Variants in GUSB observed in about 807,000 individuals in gnomAD.
The protein encoded by GUSB is glucuronidase beta.
A neutral mutation model predicts 74.6 loss-of-function variants in GUSB; 51 were observed. That is an observed-to-expected ratio of 0.68 (90% CI 0.55 to 0.86). The LOEUF (loss-of-function observed/expected upper bound fraction) is 0.86. GUSB is among the 40% of genes least tolerant of loss of function. The pLI, the probability that GUSB is intolerant of heterozygous loss-of-function variation, is 0.00. For missense variants in GUSB, 736 were observed against 853.7 expected (o/e 0.86, Z 1.72); for synonymous variants, 360 against 348.3 (o/e 1.03, Z -0.37).
At chr7:65,964,886 T>C (rs148813284) in intron 10 of GUSB, among the ~76,000 whole-genome samples, 13,591 of 151,390 alleles carry the variant, frequency 0.09, 772 homozygotes, top group Non-Finnish European at 0.12. Context: ...CTGGGCAACA[T>C]AGCAAGACCC....
In GUSB at chr7:65,960,972, C is replaced by T; in HGVS notation, c.1881G>A (p.Trp627Ter). The T allele has an allele frequency of 6.2e-7, 1 of 1,613,796 alleles. No homozygotes were observed. Among genetic ancestry groups the T allele is most frequent in the Non-Finnish European group, 8.5e-7 (1 of 1,179,862 alleles). The change falls in exon 12 of 12, where the codon TGG (tryptophan) becomes TGA (stop). Residue 627 changes from tryptophan (W) to a stop codon, truncating the protein, a stop_gained. Coordinates refer to ENST00000304895, the MANE Select transcript of GUSB (RefSeq NM_000181.4). LOFTEE classifies it low-confidence loss of function (END_TRUNC). The part of the protein sequence containing the change: ...SAAFLLRERY[W>*]KIANETRYPH... ...GATACCTGGTTTCATTGGCAATCTT[C>T]CAGTATCTCTCTCGCAAAAGGAACG...
intron 4 of GUSB, among the ~76,000 whole-genome samples, chr7:65,979,179 G>A (rs1026016102): frequency 6.6e-5 from 10 of 152,286 alleles, no homozygotes; most frequent in Middle Eastern, 3.4e-3. Flanking sequence ...GCTGTGTGAC[G>A]TTAGGCCAGA....
At position 65,974,178 on chromosome 7, in the gene GUSB, C is replaced by T. The variant is rs964404523; in HGVS notation, c.1391+117G>A. On this transcript the variant is annotated intron_variant, in intron 8 of 11. Coordinates refer to ENST00000304895, the MANE Select transcript of GUSB (RefSeq NM_000181.4). ...GTCCCCTGAACTATCTGGGTATGGA[C>T]GGCCTTCCCATTGGGCTGGACACGA... 8 of 913,764 alleles carry T rather than the reference C, an allele frequency of 8.8e-6. No individual in the cohort carries two copies. The Admixed American group carries it at 1.1e-4, about 13-fold the overall frequency. The allele number at this position is 913,764 out of a possible 1,614,324, so 56.6% of individuals were successfully genotyped here.
chr7:65,969,817 G>A (rs1296246955), intron 9 of GUSB, among the ~76,000 whole-genome samples: 1 of 152,156 alleles, frequency 6.6e-6, no homozygotes, highest in Non-Finnish European at 1.5e-5. Flanking sequence ...CCAGGTGTGG[G>A]CCAGATGAAC....
chr7:65,982,038 G>A lies in GUSB; in HGVS notation c.146C>T (p.Ala49Val), dbSNP rs1420444944. Reference sequence around the variant, plus strand: ...CCGGCGTCGGTTGTCAGAGAAGTCGGCGCGGAAGCTCCAGAGGCCGTCCAG... The same window carrying A: ...CCGGCGTCGGTTGTCAGAGAAGTCGACGCGGAAGCTCCAGAGGCCGTCCAG... ...KELDGLWSFR[A>V]DFSDNRRRGF... The change falls in exon 1 of 12, where the codon GCC becomes GTC. Residue 49 changes from alanine (A) to valine (V), a missense_variant. This residue lies in a region of GUSB where 368 missense variants were observed against 363.8 expected (regional missense o/e 1.01). Transcript: ENST00000304895. 1 of 1,610,590 alleles carries A rather than the reference G, an allele frequency of 6.2e-7. No homozygotes were observed. Among genetic ancestry groups the A allele is most frequent in the African/African-American group, 1.3e-5 (1 of 74,708 alleles).
chr7:65,973,876 A>G (rs1583918701), intron 8 of GUSB, among the ~76,000 whole-genome samples: 1 of 152,064 alleles, frequency 6.6e-6, no homozygotes, highest in East Asian at 1.9e-4. Flanking sequence ...GGCTGCAGTA[A>G]GCCAAAACTG....
At chr7:65,976,944 C>T (rs1399315947) in intron 4 of GUSB, among the ~76,000 whole-genome samples, 1 of 151,828 alleles carries the variant, frequency 6.6e-6, no homozygotes, top group Non-Finnish European at 1.5e-5. Flanking sequence ...CTCAGACATG[C>T]CAACCACGGC....
At chr7:65,969,605 G>A (rs749918846) in intron 9 of GUSB, among the ~76,000 whole-genome samples, 2 of 152,084 alleles carry the variant, frequency 1.3e-5, no homozygotes, top group Non-Finnish European at 2.9e-5. Context: ...GCTGAGGCAG[G>A]AGGATCACTT....
chr7:65,961,756 C>T (rs1009462701), intron 11 of GUSB, among the ~76,000 whole-genome samples: 3 of 152,330 alleles, frequency 2.0e-5, no homozygotes, highest in Admixed American at 6.5e-5. Context: ...GTAATCCCAG[C>T]ACTCTGGGAG....
chr7:65,965,889 G>A (rs1458917315), intron 10 of GUSB, among the ~76,000 whole-genome samples: 1 of 152,122 alleles, frequency 6.6e-6, no homozygotes, highest in East Asian at 1.9e-4. Flanking sequence ...TCAGAGCTAG[G>A]GCTTGGCACG....
intron 1 of GUSB, chr7:65,981,709 A>T: frequency 2.6e-6 from 1 of 383,482 alleles, no homozygotes; most frequent in Non-Finnish European, 4.6e-6. Flanking sequence ...AAATATTGAA[A>T]GGAAGGATAC....
intron 11 of GUSB, among the ~76,000 whole-genome samples, chr7:65,962,893 C>G (rs764273343): frequency 2.0e-5 from 3 of 151,800 alleles, no homozygotes; most frequent in Non-Finnish European, 2.9e-5. Context: ...GAGTCTCACT[C>G]TATTGCTCAA....
intron 9 of GUSB, among the ~76,000 whole-genome samples, chr7:65,968,633 T>G (rs1791001577): frequency 6.6e-6 from 1 of 152,208 alleles, no homozygotes; most frequent in Non-Finnish European, 1.5e-5. Flanking sequence ...TCGCCCAGGC[T>G]AGAATGTTAG....
chr7:65,962,741 G>A (rs756131699), intron 11 of GUSB, among the ~76,000 whole-genome samples: 14 of 151,816 alleles, frequency 9.2e-5, no homozygotes, highest in East Asian at 5.9e-4. Context: ...GTGTGGTGGC[G>A]CATGCCTGCA....
rs1790688487 is a variant in GUSB at position 65,964,322 on chromosome 7, C to T, written c.1789+1G>A. On this transcript the variant is annotated splice_donor_variant, in intron 11 of 11. Coordinates refer to ENST00000304895, the MANE Select transcript of GUSB (RefSeq NM_000181.4). LOFTEE classifies it high-confidence loss of function. ...ATCCCATGAGCCAAACTGCCACTTACACTGTTCAGTCATGAAATCGGCAAA... is the reference window on the plus strand; with the variant it reads ...ATCCCATGAGCCAAACTGCCACTTATACTGTTCAGTCATGAAATCGGCAAA... 6.2e-7 allele frequency: 1 copy of T among 1,611,434 alleles called. No homozygotes were observed. The highest frequency in any genetic ancestry group is 1.3e-5 in the African/African-American group (1 of 74,836).
rs948834547 is a variant in GUSB, at chr7:65,981,984, G to A, written c.200C>T (p.Pro67Leu). 15 of 1,606,912 alleles carry A rather than the reference G, an allele frequency of 9.3e-6. No homozygotes were observed. The highest frequency in any genetic ancestry group is 1.3e-5 in the African/African-American group (1 of 74,566). ...RGFEEQWYRR[P>L]LWESGPTVDM... ...GCCCCGAGATCGCACCTCCCACAGC[G>A]GCCGCCGGTACCACTGCTCCTCGAA... Residue 67 changes from proline (P) to leucine (L), a missense_variant, in exon 1 of 12, where the codon CCG becomes CTG. By Grantham distance (98) the Pro-to-Leu change is moderately conservative. Transcript: ENST00000304895.
Position 65,960,690 on chromosome 7 carries a change from G to C in GUSB, c.*207C>G. On this transcript the variant is annotated 3_prime_UTR_variant, in exon 12 of 12. Transcript: ENST00000304895. ...CAGAAATGATTTCAGATGCTTTTCAGTAGCCACTTTCATGCCAACTCTTTA... is the reference window on the plus strand; with the variant it reads ...CAGAAATGATTTCAGATGCTTTTCACTAGCCACTTTCATGCCAACTCTTTA... 1.7e-6 allele frequency: 1 copy of C among 586,082 alleles called. No homozygotes were observed. The allele number at this position is 586,082 out of a possible 1,614,324, so 36.3% of individuals were successfully genotyped here. A position where few individuals can be genotyped will look rare whatever the true frequency, so the allele number is the denominator to read the frequency against.
At chr7:65,965,899 G>A (rs542528491) in intron 10 of GUSB, among the ~76,000 whole-genome samples, 5 of 152,240 alleles carry the variant, frequency 3.3e-5, no homozygotes, top group South Asian at 2.1e-4. Context: ...GGCTTGGCAC[G>A]GTGGCTCATG....
intron 8 of GUSB, among the ~76,000 whole-genome samples, chr7:65,971,409 T>C (rs1162036796): frequency 6.7e-6 from 1 of 150,256 alleles, no homozygotes; most frequent in Non-Finnish European, 1.5e-5. Flanking sequence ...CTGGGCAACA[T>C]AGCAAGACCT....
Sources: allele counts gnomAD v4.1 joint callset (sites outside exome capture counted in the v4.1 genomes callset), GRCh38; gene constraint gnomAD v4.1.1; regional missense constraint gnomAD v4.1.1; transcripts MANE v1.5; gene names NCBI Gene and HGNC (gene_info 2026-07-23, HGNC 2026-07-21).